The following FRMD4B variants were observed in gnomAD, a reference collection of about 807,000 sequenced individuals.
The protein encoded by FRMD4B is FERM domain containing 4B, also known as FERM domain-containing protein 4B.
A neutral mutation model predicts 141.5 loss-of-function variants in FRMD4B; 74 were observed. The observed-to-expected ratio is 0.52, with a 90% confidence interval of 0.43 to 0.63. The LOEUF (loss-of-function observed/expected upper bound fraction) is 0.63, where lower values mean the gene tolerates loss of function less well. Among genes scored for constraint, FRMD4B ranks in the 30% least tolerant of loss-of-function variants. FRMD4B has a pLI of 0.00. For synonymous variants in FRMD4B, 506 were observed against 467.9 expected (o/e 1.08, Z -1.05); for missense variants, 1,366 against 1,253.4 (o/e 1.09, Z -1.36).
At chr3:69,465,621 A>G (rs6781409) in intron 1 of FRMD4B, among the ~76,000 whole-genome samples, 7,827 of 150,106 alleles carry the variant, frequency 0.052, 618 homozygotes, top group African/African-American at 0.18. Flanking sequence ...ATTCCCACCT[A>G]TGAGTAAGAA....
chr3:69,289,627 CT>C (rs71115675), intron 4 of FRMD4B, among the ~76,000 whole-genome samples: 149,199 of 152,168 alleles, frequency 0.98, 73,213 homozygotes, highest in East Asian at 1. Context: ...GAAACTGTCT[CT>C]TACTAAAAAT....
intron 5 of FRMD4B, among the ~76,000 whole-genome samples, chr3:69,279,109 C>A (rs934021896): frequency 1.3e-5 from 2 of 152,112 alleles, no homozygotes; most frequent in African/African-American, 4.8e-5. Context: ...ATACTACACA[C>A]ATACAAATGA....
chr3:69,182,702 T>G lies in FRMD4B; in HGVS notation c.1935A>C (p.Thr645=). 1.2e-6 allele frequency: 2 copies of G among 1,612,106 alleles called. No individual in the cohort carries two copies. Among genetic ancestry groups the G allele is most frequent in the Non-Finnish European group, 1.7e-6 (2 of 1,178,740 alleles). The change falls in exon 20 of 23, where the codon ACA becomes ACC. Residue 645 remains threonine (T), a synonymous_variant. Transcript: ENST00000398540. ...CCAGAGTTTTGTAAGGGCTGCTGTG[T>G]GTGGACAGCATTTCTCTGTGATGAT... ...DTRQSREMLS[T]HSSPYKTLER...
intron 8 of FRMD4B, 117 bp from the exon 9 acceptor site, chr3:69,222,040 G>C: frequency 1.5e-6 from 1 of 680,898 alleles, no homozygotes; most frequent in East Asian, 2.7e-5. Flanking sequence ...TCACCAACTT[G>C]TTTGGTAGAT....
chr3:69,261,646 C>T (rs1433138773), intron 5 of FRMD4B, among the ~76,000 whole-genome samples: 2 of 152,082 alleles, frequency 1.3e-5, no homozygotes, highest in South Asian at 4.1e-4. Flanking sequence ...TTTTTGTTTT[C>T]TTTGAAAGCA....
At chr3:69,472,948 T>TTTTTTTTTC (rs1705921521) in intron 1 of FRMD4B, among the ~76,000 whole-genome samples, 1 of 149,498 alleles carries the variant, frequency 6.7e-6, no homozygotes, top group Non-Finnish European at 1.5e-5. Flanking sequence ...CTTTTTTTTT[T>TTTTTTTTTC]TTTTTGGCTT....
At chr3:69,344,014 G>A (rs1244366578) in intron 1 of FRMD4B, among the ~76,000 whole-genome samples, 1 of 152,222 alleles carries the variant, frequency 6.6e-6, no homozygotes, top group Non-Finnish European at 1.5e-5. Context: ...ACCTCTGTAA[G>A]CCGAAGCCTG....
At chr3:69,430,676 A>G (rs1324470454) in intron 2 of FRMD4B, among the ~76,000 whole-genome samples, 1 of 152,248 alleles carries the variant, frequency 6.6e-6, no homozygotes, top group Non-Finnish European at 1.5e-5. Context: ...CTGAAGAGAC[A>G]AATTAATTCA....
In FRMD4B at chr3:69,298,842, A is replaced by G. The variant is rs140690557; in HGVS notation, c.416+3501T>C. ...CCTCCCTAATGGAGTTTTCTCCATA[A>G]CCCCTCACATAAGATACTTTGCAGG... On this transcript the variant is annotated intron_variant, in intron 4 of 22. Coordinates refer to ENST00000398540, the MANE Select transcript of FRMD4B (RefSeq NM_015123.3). Among the ~76,000 whole-genome samples, 153 of 152,062 alleles carry G rather than the reference A, an allele frequency of 1.0e-3. 1 individual carries two copies. The highest frequency in any genetic ancestry group is 3.6e-3 in the African/African-American group (148 of 41,466).
At chr3:69,197,537 T>C (rs75126787) in intron 12 of FRMD4B, among the ~76,000 whole-genome samples, 5,145 of 140,716 alleles carry the variant, frequency 0.037, 181 homozygotes, top group East Asian at 0.13. Flanking sequence ...TCCAGAGTGC[T>C]GCTTGTACAC....
intron 1 of FRMD4B, among the ~76,000 whole-genome samples, chr3:69,441,032 T>A (rs1330690102): frequency 6.6e-6 from 1 of 152,156 alleles, no homozygotes; most frequent in Non-Finnish European, 1.5e-5. Context: ...GTACTCTGAG[T>A]TTCTGAGTGG....
intron 5 of FRMD4B, 71 bp downstream of exon 5, chr3:69,287,681 C>A: frequency 1.3e-6 from 1 of 783,928 alleles, no homozygotes; most frequent in East Asian, 2.6e-5. Context: ...AGAAGAGAGG[C>A]AAAACCATTT....
intron 1 of FRMD4B, among the ~76,000 whole-genome samples, chr3:69,375,085 CACCT>C (rs1703931228): frequency 7.5e-6 from 1 of 133,772 alleles, no homozygotes; most frequent in Admixed American, 8.8e-5. Context: ...TCCAACCAAA[CACCT>C]ACCTATCTAT....
intron 1 of FRMD4B, among the ~76,000 whole-genome samples, chr3:69,460,759 G>C (rs1169126479): frequency 6.6e-6 from 1 of 152,112 alleles, no homozygotes; most frequent in Non-Finnish European, 1.5e-5. Context: ...ACAGCTTCCT[G>C]AGCCCTCCTC....
At chr3:69,225,198 C>T (rs2093238657) in intron 7 of FRMD4B, among the ~76,000 whole-genome samples, 1 of 152,140 alleles carries the variant, frequency 6.6e-6, no homozygotes, top group African/African-American at 2.4e-5. Flanking sequence ...CCAACTCAAC[C>T]ACCTGTAGAA....
chr3:69,478,488 G>T (rs1413020770), intron 1 of FRMD4B, among the ~76,000 whole-genome samples: 1 of 152,206 alleles, frequency 6.6e-6, no homozygotes, highest in African/African-American at 2.4e-5. Flanking sequence ...GGAGCAGGTT[G>T]TTCAGTTTCC....
chr3:69,240,482 C>CAAAAAAAAAAAAAAAAAAAAAAAAAA (rs11344881), intron 7 of FRMD4B, among the ~76,000 whole-genome samples: 2 of 72,436 alleles, frequency 2.8e-5, no homozygotes, highest in African/African-American at 5.6e-5. Context: ...GACTCTGTCT[C>CAAAAAAAAAAAAAAAAAAAAAAAAAA]AAAAAAAAAA....
chr3:69,224,952 T>G (rs777995717), intron 7 of FRMD4B, among the ~76,000 whole-genome samples: 5 of 152,204 alleles, frequency 3.3e-5, no homozygotes, highest in African/African-American at 4.8e-5. Flanking sequence ...TCACATTGTA[T>G]TTTTACAGAA....
At chr3:69,276,563 C>G (rs1251214692) in intron 5 of FRMD4B, among the ~76,000 whole-genome samples, 1 of 152,146 alleles carries the variant, frequency 6.6e-6, no homozygotes, top group African/African-American at 2.4e-5. Flanking sequence ...TTTAGGTGTA[C>G]CCTTCATTTT....
Sources: gnomAD v4.1 joint callset for allele counts (sites outside exome capture counted in the v4.1 genomes callset) on GRCh38, gnomAD v4.1.1 for gene constraint, MANE v1.5 for transcripts, NCBI Gene and HGNC (gene_info 2026-07-23, HGNC 2026-07-21) for gene names.